Variants in SHROOM3 observed in about 807,000 individuals in gnomAD.
SHROOM3 encodes the protein shroom family member 3.
In SHROOM3, 47 loss-of-function variants were observed where a neutral mutation model predicts 138.6. The ratio of observed to expected loss-of-function variants is 0.34; its 90% CI spans 0.27 to 0.43. The LOEUF (loss-of-function observed/expected upper bound fraction) is 0.43. Among genes scored for constraint, SHROOM3 ranks in the 20% least tolerant of loss-of-function variants. The pLI, the probability that SHROOM3 is intolerant of heterozygous loss-of-function variation, is 1.00. For synonymous variants in SHROOM3, 1,062 were observed against 1,063.3 expected (o/e 1.00, Z 0.02); for missense variants, 2,491 against 2,596.5 (o/e 0.96, Z 0.88).
At chr4:76,709,031 G>T (rs1312498576) in intron 2 of SHROOM3, among the ~76,000 whole-genome samples, 1 of 152,214 alleles carries the variant, frequency 6.6e-6, no homozygotes, top group African/African-American at 2.4e-5. Flanking sequence ...GAAACTCCCT[G>T]TTGGCCTCCT....
Position 76,603,220 on chromosome 4 carries a change from C to T in SHROOM3, c.323+47457C>T, listed in dbSNP as rs1030922533. On this transcript the variant is annotated intron_variant, in intron 2 of 10. Transcript: ENST00000296043. The stretch of plus-strand genomic sequence containing the variant: ...GATCATGAAGTCAGGAGATCGAAAC[C>T]ATCCTGGCTAACACGGTGAAGCCCT... 3.9e-5 allele frequency among the ~76,000 whole-genome samples: 6 copies of T among 152,128 alleles called. No homozygotes were observed. In the East Asian group the frequency reaches 1.2e-3, roughly 29 times the overall value.
intron 2 of SHROOM3, among the ~76,000 whole-genome samples, chr4:76,661,479 C>T (rs1577958745): frequency 6.6e-6 from 1 of 152,116 alleles, no homozygotes; most frequent in Non-Finnish European, 1.5e-5. Flanking sequence ...ATCCGCCCAC[C>T]TCGGCCTCCC....
At position 76,436,065 on chromosome 4, in the gene SHROOM3, A is replaced by G. The variant is rs376391030; in HGVS notation, c.13A>G (p.Thr5Ala). The change falls in exon 1 of 11, where the codon ACT (threonine) becomes GCT (alanine). Residue 5 changes from threonine (T) to alanine (A), a missense_variant. Transcript: ENST00000296043. Reference sequence around the variant, plus strand: ...TCATGTGTTTGGCATGATGAGGACCACTGAAGACTTCCACAAGCCTAGTGC... The same window carrying G: ...TCATGTGTTTGGCATGATGAGGACCGCTGAAGACTTCCACAAGCCTAGTGC... MMRT[T>A]EDFHKPSATL... 43 of 1,613,872 alleles carry G rather than the reference A, an allele frequency of 2.7e-5. No individual in the cohort carries two copies. Among genetic ancestry groups the G allele is most frequent in the Non-Finnish European group, 3.5e-5 (41 of 1,179,916 alleles).
intron 2 of SHROOM3, among the ~76,000 whole-genome samples, chr4:76,680,142 CTTT>C (rs11368349): frequency 7.9e-5 from 11 of 138,668 alleles, no homozygotes; most frequent in Middle Eastern, 3.8e-3. Flanking sequence ...TGACCTATAC[CTTT>C]TTTTTTTTTT....
chr4:76,628,750 A>T (rs1735218057), intron 2 of SHROOM3: 1 of 152,228 alleles, frequency 6.6e-6, no homozygotes, highest in African/African-American at 2.4e-5. Flanking sequence ...AATTATAAGT[A>T]TCAAAGTAAA....
At chr4:76,584,130 C>T (rs2110045170) in intron 2 of SHROOM3, among the ~76,000 whole-genome samples, 1 of 152,048 alleles carries the variant, frequency 6.6e-6, no homozygotes, top group East Asian at 1.9e-4. Context: ...GTCTGGCCAA[C>T]ACGGTGAAAC....
chr4:76,570,766 T>C (rs1733819943), intron 2 of SHROOM3, among the ~76,000 whole-genome samples: 1 of 152,216 alleles, frequency 6.6e-6, no homozygotes, highest in South Asian at 2.1e-4. Context: ...AGGACAGCCC[T>C]GCAACAGTGA....
chr4:76,546,205 T>C (rs1192111321), intron 1 of SHROOM3, among the ~76,000 whole-genome samples: 2 of 152,164 alleles, frequency 1.3e-5, no homozygotes. Context: ...GTCCTGCAGA[T>C]AAAAGGGCCA....
intron 1 of SHROOM3, among the ~76,000 whole-genome samples, chr4:76,449,953 A>G (rs1730892033): frequency 6.6e-6 from 1 of 152,202 alleles, no homozygotes. Flanking sequence ...TACTCTTTGT[A>G]TTAAGAATTA....
intron 2 of SHROOM3, among the ~76,000 whole-genome samples, chr4:76,566,108 CAAAAAAAAAA>C (rs1170771360): frequency 6.7e-5 from 4 of 59,344 alleles, no homozygotes; most frequent in Admixed American, 1.7e-4. Flanking sequence ...AACCCTGTCT[CAAAAAAAAAA>C]AAAAAAAAAA....
chr4:76,654,648 G>T (rs1736028902), intron 2 of SHROOM3, among the ~76,000 whole-genome samples: 2 of 152,098 alleles, frequency 1.3e-5, no homozygotes, highest in African/African-American at 4.8e-5. Context: ...GGAAATAGGG[G>T]ACAGGATTTG....
At chr4:76,608,673 T>C (rs11725339) in intron 2 of SHROOM3, among the ~76,000 whole-genome samples, 1,580 of 107,678 alleles carry the variant, frequency 0.015, 116 homozygotes, top group African/African-American at 0.041. Context: ...TAGCACAGCA[T>C]AGCACAGCAC....
At chr4:76,508,605 T>G (rs1042965913) in intron 1 of SHROOM3, among the ~76,000 whole-genome samples, 4 of 152,228 alleles carry the variant, frequency 2.6e-5, no homozygotes, top group Admixed American at 6.5e-5. Flanking sequence ...GAGATTTTAA[T>G]AGGGATTACA....
rs114769302 is a variant in SHROOM3, at chr4:76,748,977, G to A, written c.3754-40G>A. 1.4e-3 allele frequency: 2,298 copies of A among 1,601,786 alleles called. 29 individuals carry two copies. In the African/African-American group the frequency reaches 0.025, roughly 17 times the overall value. ...ACCCTCTTGGTAAATTTAAACACCC[G>A]TTTATTGGCAGTAATGCTGTGCCTT... On this transcript the variant is annotated intron_variant, in intron 5 of 10. Transcript: ENST00000296043.
intron 2 of SHROOM3, among the ~76,000 whole-genome samples, chr4:76,589,469 T>TAA (rs60606785): frequency 0.13 from 17,154 of 135,424 alleles, 1,229 homozygotes; most frequent in African/African-American, 0.21. Flanking sequence ...CTCTGTCTCA[T>TAA]AAAAAAAAAA....
intron 1 of SHROOM3, among the ~76,000 whole-genome samples, chr4:76,462,127 A>C (rs1560513390): frequency 6.6e-6 from 1 of 152,122 alleles, no homozygotes; most frequent in Non-Finnish European, 1.5e-5. Context: ...AGTGGCTCAC[A>C]CCTGTAATCT....
intron 1 of SHROOM3, among the ~76,000 whole-genome samples, chr4:76,540,937 G>A (rs1332565376): frequency 1.3e-5 from 2 of 152,178 alleles, no homozygotes; most frequent in Non-Finnish European, 2.9e-5. Context: ...CTATTGCCCT[G>A]TGAGCCCTAT....
chr4:76,605,328 G>A (rs768781790), intron 2 of SHROOM3, among the ~76,000 whole-genome samples: 14 of 152,114 alleles, frequency 9.2e-5, no homozygotes, highest in Non-Finnish European at 2.1e-4. Flanking sequence ...GCCCGGAAGA[G>A]GATTTCGAGG....
chr4:76,485,099 A>G (rs1035922994), intron 1 of SHROOM3, among the ~76,000 whole-genome samples: 3 of 152,214 alleles, frequency 2.0e-5, no homozygotes, highest in East Asian at 1.9e-4. Flanking sequence ...TGTTTCAACA[A>G]TTCAGATTAT....
Sources: allele counts gnomAD v4.1 joint callset (sites outside exome capture counted in the v4.1 genomes callset), GRCh38; gene constraint gnomAD v4.1.1; transcripts MANE v1.5; gene names NCBI Gene and HGNC (gene_info 2026-07-23, HGNC 2026-07-21).